Variants in NLGN1 observed in about 807,000 individuals in gnomAD.
NLGN1 encodes the protein neuroligin-1.
A neutral mutation model predicts 65.5 loss-of-function variants in NLGN1; 12 were observed. That is an observed-to-expected ratio of 0.18 (90% CI 0.12 to 0.30). The LOEUF (loss-of-function observed/expected upper bound fraction) is 0.30, where lower values mean the gene tolerates loss of function less well. NLGN1 is among the 10% of genes least tolerant of loss of function. The pLI is 1.00. For missense variants in NLGN1, 750 were observed against 1,007.1 expected (o/e 0.74, Z 3.46); for synonymous variants, 350 against 359.5 (o/e 0.97, Z 0.30).
At chr3:174,251,432 AG>A (rs1406842682) in intron 4 of NLGN1, among the ~76,000 whole-genome samples, 3 of 152,180 alleles carry the variant, frequency 2.0e-5, no homozygotes, top group African/African-American at 7.2e-5. Context: ...TACCTCCTGG[AG>A]GCAGACTGTC....
At chr3:173,898,766 A>G (rs539544035) in intron 4 of NLGN1, among the ~76,000 whole-genome samples, 1 of 152,280 alleles carries the variant, frequency 6.6e-6, no homozygotes, top group Admixed American at 6.5e-5. Flanking sequence ...ACCAGCTACA[A>G]ATATTCCCTG....
At chr3:173,403,989 T>C (rs1035034270) in intron 1 of NLGN1, among the ~76,000 whole-genome samples, 4 of 152,106 alleles carry the variant, frequency 2.6e-5, no homozygotes, top group African/African-American at 7.2e-5. Flanking sequence ...TATGGTGCAA[T>C]AGGATTTCAG....
At chr3:173,978,645 G>A (rs943143839) in intron 4 of NLGN1, among the ~76,000 whole-genome samples, 3 of 151,772 alleles carry the variant, frequency 2.0e-5, no homozygotes, top group Non-Finnish European at 4.4e-5. Context: ...TTAAAGCCAA[G>A]GGAAGAAAAG....
At chr3:174,191,564 G>A (rs568720342) in intron 4 of NLGN1, among the ~76,000 whole-genome samples, 6 of 152,180 alleles carry the variant, frequency 3.9e-5, no homozygotes, top group South Asian at 4.1e-4. Flanking sequence ...TGTGTCTCTC[G>A]CCAAAAATGA....
At chr3:173,908,221 A>G (rs1051408519) in intron 4 of NLGN1, among the ~76,000 whole-genome samples, 6 of 152,344 alleles carry the variant, frequency 3.9e-5, no homozygotes, top group African/African-American at 9.6e-5. Context: ...CAGTAAAAAC[A>G]TCACACGTAT....
intron 2 of NLGN1, among the ~76,000 whole-genome samples, chr3:173,485,144 G>A (rs1012748761): frequency 1.5e-4 from 19 of 130,598 alleles, no homozygotes; most frequent in African/African-American, 5.5e-4. Flanking sequence ...AAAAAAGCTT[G>A]TGCAAAAACT....
At chr3:173,932,480 G>T (rs1433049693) in intron 4 of NLGN1, among the ~76,000 whole-genome samples, 2 of 150,266 alleles carry the variant, frequency 1.3e-5, no homozygotes, top group African/African-American at 4.9e-5. Flanking sequence ...ATCTGTCTAT[G>T]AGAGAGAAAG....
chr3:174,287,676 A>C (rs1038839122), downstream of NLGN1, among the ~76,000 whole-genome samples: 2 of 151,490 alleles, frequency 1.3e-5, no homozygotes, highest in African/African-American at 4.8e-5. Context: ...CTATCTAGTT[A>C]AAACTTTTCT....
At chr3:174,292,334 C>A in the NLGN1 span, among the ~76,000 whole-genome samples, 1 of 151,116 alleles carries the variant, frequency 6.6e-6, no homozygotes, top group Non-Finnish European at 1.5e-5. Flanking sequence ...GTCTGGGGAA[C>A]AAACCATAGA....
intron 4 of NLGN1, among the ~76,000 whole-genome samples, chr3:173,931,598 G>A (rs1478866633): frequency 6.6e-6 from 1 of 152,136 alleles, no homozygotes; most frequent in South Asian, 2.1e-4. Flanking sequence ...CAATAACTGA[G>A]GGATTGAAAA....
At chr3:173,437,660 C>G (rs975550025) in intron 2 of NLGN1, among the ~76,000 whole-genome samples, 8 of 152,122 alleles carry the variant, frequency 5.3e-5, no homozygotes, top group African/African-American at 1.9e-4. Flanking sequence ...TTAAATCTTG[C>G]CTCCAGACTA....
chr3:173,641,750 G>A (rs780048028), intron 3 of NLGN1, among the ~76,000 whole-genome samples: 2 of 152,138 alleles, frequency 1.3e-5, no homozygotes, highest in Non-Finnish European at 2.9e-5. Context: ...TTACTGGGGT[G>A]GCATTGACCT....
At chr3:174,223,041 G>T (rs535265727) in intron 4 of NLGN1, among the ~76,000 whole-genome samples, 1 of 151,974 alleles carries the variant, frequency 6.6e-6, no homozygotes, top group Non-Finnish European at 1.5e-5. Context: ...TGTGCCACCA[G>T]AGAGGAGGTC....
chr3:173,611,803 ATAAATACTTTTTTTCTTATAG>A (rs1434209972), intron 3 of NLGN1, among the ~76,000 whole-genome samples: 1 of 152,114 alleles, frequency 6.6e-6, no homozygotes, highest in Non-Finnish European at 1.5e-5. Flanking sequence ...TTTCCAAAGA[ATAAATACTTTTTTTCTTATAG>A]AAACTGGGGT....
chr3:173,442,490 A>G (rs1379616420), intron 2 of NLGN1, among the ~76,000 whole-genome samples: 1 of 152,168 alleles, frequency 6.6e-6, no homozygotes, highest in Non-Finnish European at 1.5e-5. Flanking sequence ...TCTCCAAGGA[A>G]AAAGAGATTC....
chr3:173,697,738 C>G (rs1215652101), intron 3 of NLGN1, among the ~76,000 whole-genome samples: 1 of 152,094 alleles, frequency 6.6e-6, no homozygotes, highest in Non-Finnish European at 1.5e-5. Context: ...CTGTGTTGGT[C>G]AGGCTGGTCT....
chr3:173,999,252 C>T (rs1358742670), intron 4 of NLGN1, among the ~76,000 whole-genome samples: 1 of 152,116 alleles, frequency 6.6e-6, no homozygotes, highest in Non-Finnish European at 1.5e-5. Context: ...AGAAGGTCTT[C>T]TTGGTGGTTT....
rs1001291687 is a variant in NLGN1, at chr3:173,668,529, C to A, written c.493+63438C>A. On this transcript the variant is annotated intron_variant, in intron 3 of 6. Transcript: ENST00000457714. Reference sequence around the variant, plus strand: ...TGTGTATGTCTTTGAGGAAGACAACCCTGTGTGAAAGGCTTGGCCATTCTT... The same window carrying A: ...TGTGTATGTCTTTGAGGAAGACAACACTGTGTGAAAGGCTTGGCCATTCTT... Among the ~76,000 whole-genome samples, 3 of 152,100 alleles carry A rather than the reference C, an allele frequency of 2.0e-5. No individual in the cohort carries two copies. The East Asian group carries it at 5.8e-4, about 29-fold the overall frequency.
intron 4 of NLGN1, among the ~76,000 whole-genome samples, chr3:174,182,684 T>C (rs1184647128): frequency 6.6e-6 from 1 of 152,172 alleles, no homozygotes; most frequent in African/African-American, 2.4e-5. Context: ...AGATTCTAAG[T>C]GCAGGCAGAC....
Sources: gnomAD v4.1 joint callset for allele counts (sites outside exome capture counted in the v4.1 genomes callset) on GRCh38, gnomAD v4.1.1 for gene constraint, MANE v1.5 for transcripts, NCBI Gene and HGNC (gene_info 2026-07-23, HGNC 2026-07-21) for gene names.